SLC13A4: variants seen among roughly 807,000 people sequenced by gnomAD.
SLC13A4 encodes the protein solute carrier family 13 member 4.
SLC13A4 carries 28 observed loss-of-function variants against 72.7 expected under a neutral mutation model. That is an observed-to-expected ratio of 0.39 (90% CI 0.29 to 0.53). The LOEUF (loss-of-function observed/expected upper bound fraction) is 0.53, where lower values mean the gene tolerates loss of function less well. Ranked by LOEUF, SLC13A4 falls within the 20% of genes least tolerant of loss-of-function variation. The probability of loss-of-function intolerance (pLI) is 0.78; values close to 1 mark genes in which losing one functional copy is unlikely to be tolerated. For synonymous variants in SLC13A4, 312 were observed against 325.5 expected, an observed-to-expected ratio of 0.96 and a Z score of 0.45; for missense variants, 653 against 788.0, an observed-to-expected ratio of 0.83 and a Z score of 2.05.
At chr7:135,708,416 G>C (rs2069879192) in intron 2 of SLC13A4, among the ~76,000 whole-genome samples, 166 bp from the exon 3 acceptor site, 1 of 152,196 alleles carries the variant, frequency 6.6e-6, no homozygotes, top group African/African-American at 2.4e-5. Flanking sequence ...CCATCCTAGA[G>C]TCACATCTAC....
At chr7:135,690,050 G>A (rs973565851) in intron 13 of SLC13A4, among the ~76,000 whole-genome samples, 18 of 151,694 alleles carry the variant, frequency 1.2e-4, no homozygotes, top group South Asian at 2.1e-4. Context: ...GTGTGGTGGC[G>A]TGTGCTTGTG....
At chr7:135,683,346 T>G (rs1463958907) in intron 15 of SLC13A4, 1 of 434,980 alleles carries the variant, frequency 2.3e-6, no homozygotes, top group African/African-American at 2.3e-5. Flanking sequence ...GACCTGAATA[T>G]CTGCCACCAG....
chr7:135,685,769 T>C, intron 13 of SLC13A4, 86 bp from the exon 14 acceptor site: 1 of 1,247,182 alleles, frequency 8.0e-7, no homozygotes, highest in South Asian at 1.4e-5. Context: ...TCAGGGATGT[T>C]GGAAGGCTGG....
intron 15 of SLC13A4, among the ~76,000 whole-genome samples, chr7:135,682,458 A>G (rs1275517720): frequency 6.6e-6 from 1 of 152,246 alleles, no homozygotes; most frequent in Non-Finnish European, 1.5e-5. Flanking sequence ...AAGACAAGTC[A>G]CTAGCTGGCA....
intron 2 of SLC13A4, among the ~76,000 whole-genome samples, chr7:135,716,063 T>C (rs1014648776): frequency 1.3e-5 from 2 of 152,172 alleles, no homozygotes; most frequent in African/African-American, 4.8e-5. Flanking sequence ...AGTTTTCCTT[T>C]ATACAGAACG....
intron 15 of SLC13A4, among the ~76,000 whole-genome samples, chr7:135,681,923 G>A (rs1394819659): frequency 6.6e-6 from 1 of 152,302 alleles, no homozygotes; most frequent in Admixed American, 6.5e-5. Context: ...ACTCTCACTA[G>A]ATTTCAAGTG....
chr7:135,701,133 C>T (rs1387439183), intron 7 of SLC13A4, among the ~76,000 whole-genome samples: 1 of 152,036 alleles, frequency 6.6e-6, no homozygotes, highest in African/African-American at 2.4e-5. Context: ...ATGCTGAGTG[C>T]AATGATTGAT....
chr7:135,692,549 T>TA (rs1795812782), intron 10 of SLC13A4, 125 bp from the exon 11 acceptor site: 1 of 643,072 alleles, frequency 1.6e-6, no homozygotes, highest in East Asian at 2.8e-5. Context: ...ACTCACTGCC[T>TA]AACCACTATG....
intron 13 of SLC13A4, among the ~76,000 whole-genome samples, chr7:135,685,918 A>G (rs1795612113): frequency 6.6e-6 from 1 of 152,238 alleles, no homozygotes; most frequent in Non-Finnish European, 1.5e-5. Context: ...GTCATGGGAC[A>G]TGGAGAGCCA....
intron 8 of SLC13A4, among the ~76,000 whole-genome samples, chr7:135,697,817 C>A (rs926286914): frequency 2.0e-5 from 3 of 152,034 alleles, no homozygotes; most frequent in Non-Finnish European, 4.4e-5. Flanking sequence ...TCGGAGCCCT[C>A]CTACATACTG....
At chr7:135,689,799 G>T (rs547823041) in intron 13 of SLC13A4, among the ~76,000 whole-genome samples, 20 of 152,108 alleles carry the variant, frequency 1.3e-4, no homozygotes, top group Non-Finnish European at 2.6e-4. Context: ...ATGGGCAGGA[G>T]ATAGGACTCA....
chr7:135,715,581 C>A (rs1796417148), intron 2 of SLC13A4, among the ~76,000 whole-genome samples: 1 of 152,056 alleles, frequency 6.6e-6, no homozygotes, highest in Non-Finnish European at 1.5e-5. Flanking sequence ...CATGCAATTA[C>A]TTCCTGAAGT....
At chr7:135,708,640 T>G (rs995644571) in intron 2 of SLC13A4, among the ~76,000 whole-genome samples, 1 of 152,210 alleles carries the variant, frequency 6.6e-6, no homozygotes, top group Non-Finnish European at 1.5e-5. Flanking sequence ...CCAAACCTAA[T>G]TTTTAATGTT....
rs934634922 is a variant in SLC13A4, at chr7:135,727,540, C to T, written c.-44G>A. ...AGCTCGTCCTTGGACCCCGCTCTGC[C>T]GGCGAAAGGCTTCCTGCCTGGGCAC... On this transcript the variant is annotated 5_prime_UTR_variant, in exon 1 of 16. Transcript: ENST00000682651. 1.3e-6 allele frequency: 2 copies of T among 1,523,790 alleles called. No individual in the cohort carries two copies. Among genetic ancestry groups the T allele is most frequent in the Non-Finnish European group, 1.8e-6 (2 of 1,129,348 alleles). 94.4% of individuals were successfully genotyped at this position (1,523,790 alleles called of 1,614,324 possible).
rs1796139842 is a variant in SLC13A4, at chr7:135,705,510, G to A, written c.593+86C>T. ...GAGCTTGGGTGGTACATCTCAAAGA[G>A]CTGTTTATGGGTCTAGGTCCCCTCT... is the stretch of plus-strand genomic sequence containing the variant. On this transcript the variant is annotated intron_variant, in intron 5 of 15. Coordinates refer to ENST00000682651, the MANE Select transcript of SLC13A4 (RefSeq NM_001318192.2). 10 of 1,255,152 alleles carry A rather than the reference G, an allele frequency of 8.0e-6. No homozygotes were observed. The Middle Eastern group carries it at 6.5e-4, about 82-fold the overall frequency. The allele number at this position is 1,255,152 out of a possible 1,614,324, so 77.8% of individuals were successfully genotyped here.
At chr7:135,703,820 A>G (rs537388866) in intron 5 of SLC13A4, 30 of 152,384 alleles carry the variant, frequency 2.0e-4, no homozygotes, top group African/African-American at 7.2e-4. Flanking sequence ...AGGCGTGCAG[A>G]GGGAAGTGTT....
chr7:135,719,612 A>AG (rs1796498895), intron 2 of SLC13A4, among the ~76,000 whole-genome samples: 1 of 152,046 alleles, frequency 6.6e-6, no homozygotes, highest in African/African-American at 2.4e-5. Context: ...TCACGAAAGA[A>AG]GAGGGGGCAA....
At chr7:135,699,642 G>T in intron 7 of SLC13A4, 94 bp from the exon 8 acceptor site, 1 of 1,133,662 alleles carries the variant, frequency 8.8e-7, no homozygotes, top group Non-Finnish European at 1.2e-6. Context: ...AGCGGAAAGG[G>T]TTTGAGCTTG....
chr7:135,715,141 ATG>A (rs959990585), intron 2 of SLC13A4, among the ~76,000 whole-genome samples: 35 of 150,390 alleles, frequency 2.3e-4, no homozygotes, highest in African/African-American at 5.1e-4. Flanking sequence ...GTGTGTGAGA[ATG>A]TGTGTATGAG....
Sources: allele counts gnomAD v4.1 joint callset (sites outside exome capture counted in the v4.1 genomes callset), GRCh38; gene constraint gnomAD v4.1.1; transcripts MANE v1.5; gene names NCBI Gene and HGNC (gene_info 2026-07-23, HGNC 2026-07-21).